Variants in LZTFL1 observed in about 807,000 individuals in gnomAD.
The protein encoded by LZTFL1 is leucine zipper transcription factor like 1, also known as leucine zipper transcription factor-like protein 1.
Under a neutral mutation model 45.9 loss-of-function variants are expected in LZTFL1, and 25 were observed. The ratio of observed to expected loss-of-function variants is 0.54; its 90% confidence interval spans 0.40 to 0.76. LZTFL1 has a LOEUF of 0.76. Among genes scored for constraint, LZTFL1 ranks in the 30% least tolerant of loss-of-function variants. The pLI is 0.00. For missense variants in LZTFL1, 277 were observed against 331.1 expected, an observed-to-expected ratio of 0.84 and a Z score of 1.27; for synonymous variants, 93 against 117.4, an observed-to-expected ratio of 0.79 and a Z score of 1.35.
At chr3:45,827,172 GC>G in intron 9 of LZTFL1, 183 bp downstream of exon 9, 1 of 568,582 alleles carries the variant, frequency 1.8e-6, no homozygotes, top group South Asian at 2.3e-5. Flanking sequence ...CTAAAAAGAA[GC>G]CCTGGTGGGC....
chr3:45,897,140 C>A (rs1306839605), intron 2 of LZTFL1, among the ~76,000 whole-genome samples: 2 of 152,172 alleles, frequency 1.3e-5, no homozygotes, highest in Non-Finnish European at 2.9e-5. Flanking sequence ...CCTGGCTGTG[C>A]ACTGAGGTTT....
chr3:45,862,639 A>G (rs1362694669), intron 2 of LZTFL1, among the ~76,000 whole-genome samples: 2 of 152,254 alleles, frequency 1.3e-5, no homozygotes, highest in African/African-American at 4.8e-5. Context: ...TGTGGGAAAG[A>G]AATCTTACTT....
At chr3:45,859,121 C>T (rs1251038810) in intron 2 of LZTFL1, 1 of 152,214 alleles carries the variant, frequency 6.6e-6, no homozygotes, top group Non-Finnish European at 1.5e-5. Context: ...TGATGATACA[C>T]AACATGTAAG....
At chr3:45,834,474 T>G (rs1414083159) in intron 3 of LZTFL1, 176 bp from the exon 4 acceptor site, 5 of 492,200 alleles carry the variant, frequency 1.0e-5, no homozygotes, top group Non-Finnish European at 3.7e-6. Context: ...CTAAACCACA[T>G]GGACTCAAAT....
chr3:45,898,009 A>G (rs1433010255), intron 2 of LZTFL1, among the ~76,000 whole-genome samples: 2 of 151,638 alleles, frequency 1.3e-5, no homozygotes, highest in East Asian at 3.9e-4. Flanking sequence ...AAAACACAAA[A>G]CACCAACCCA....
At chr3:45,882,797 C>CTATTATTAT (rs10575190) in intron 2 of LZTFL1, among the ~76,000 whole-genome samples, 68 of 145,456 alleles carry the variant, frequency 4.7e-4, no homozygotes, top group South Asian at 1.3e-3. Flanking sequence ...AAAGGGGATA[C>CTATTATTAT]TATTATTATT....
At chr3:45,836,149 A>G (rs1700961124) in intron 2 of LZTFL1, among the ~76,000 whole-genome samples, 1 of 152,158 alleles carries the variant, frequency 6.6e-6, no homozygotes, top group Non-Finnish European at 1.5e-5. Context: ...GCATAGTCTC[A>G]TTTCTTTCTA....
At chr3:45,875,454 C>T (rs1051876562) in intron 2 of LZTFL1, among the ~76,000 whole-genome samples, 3 of 151,376 alleles carry the variant, frequency 2.0e-5, no homozygotes, top group Non-Finnish European at 4.4e-5. Flanking sequence ...CTAGCACTTA[C>T]TAGCTATATG....
intron 1 of LZTFL1, among the ~76,000 whole-genome samples, chr3:45,915,201 C>T (rs761875784): frequency 8.5e-5 from 13 of 152,256 alleles, no homozygotes; most frequent in Non-Finnish European, 1.9e-4. Context: ...TCATTTCTCA[C>T]TGCCCCTTTC....
At chr3:45,845,395 A>G (rs977469292), upstream of LZTFL1, among the ~76,000 whole-genome samples, 1 of 152,136 alleles carries the variant, frequency 6.6e-6, no homozygotes, top group Non-Finnish European at 1.5e-5. Flanking sequence ...GAGGCTGGAG[A>G]GGAGAGATTC....
upstream of LZTFL1, among the ~76,000 whole-genome samples, chr3:45,847,017 A>G (rs150203464): frequency 3.9e-3 from 599 of 152,290 alleles, 2 homozygotes; most frequent in Middle Eastern, 0.027. Flanking sequence ...CAGATTGTCT[A>G]ATGTCAATGT....
At chr3:45,878,777 G>A (rs1701798190) in intron 2 of LZTFL1, among the ~76,000 whole-genome samples, 1 of 152,106 alleles carries the variant, frequency 6.6e-6, no homozygotes, top group Non-Finnish European at 1.5e-5. Flanking sequence ...ACAGGCAAAA[G>A]ACCTAAAGAG....
chr3:45,856,098 C>T (rs1701388907), intron 3 of LZTFL1, among the ~76,000 whole-genome samples: 1 of 151,496 alleles, frequency 6.6e-6, no homozygotes, highest in Non-Finnish European at 1.5e-5. Context: ...CCAAGACAAT[C>T]CTAGGCAAAA....
rs1204025847 is a variant in LZTFL1, at chr3:45,841,991, T to TGGCGGCAGGCAGC, written c.-13_-1dup. 2.5e-6 allele frequency: 4 copies of TGGCGGCAGGCAGC among 1,611,288 alleles called. No individual in the cohort carries two copies. The South Asian group carries it at 4.4e-5, about 18-fold the overall frequency. On this transcript the variant is annotated 5_prime_UTR_variant, in exon 1 of 10. Transcript: ENST00000296135. ...GCGCCTGAGGGTCGGTTACTCACCA[T>TGGCGGCAGGCAGC]GGCGGCAGGCAGCGGCGGCAGCCTA... is the stretch of plus-strand genomic sequence containing the variant.
chr3:45,828,918 T>C (rs1057273921), intron 7 of LZTFL1, among the ~76,000 whole-genome samples: 3 of 152,132 alleles, frequency 2.0e-5, no homozygotes, highest in African/African-American at 7.2e-5. Context: ...TGTACCAGGG[T>C]TGAGATGGCA....
chr3:45,826,750 T>C (rs1034427325), intron 9 of LZTFL1, among the ~76,000 whole-genome samples: 3 of 152,320 alleles, frequency 2.0e-5, no homozygotes, highest in East Asian at 3.9e-4. Flanking sequence ...AGGCAAAACA[T>C]CTGATGACCA....
chr3:45,866,945 C>A (rs190773555), intron 2 of LZTFL1, among the ~76,000 whole-genome samples: 2 of 151,908 alleles, frequency 1.3e-5, no homozygotes, highest in African/African-American at 4.8e-5. Flanking sequence ...GTCAGGAGTT[C>A]GAGACCAGCC....
intron 2 of LZTFL1, among the ~76,000 whole-genome samples, chr3:45,859,875 G>A (rs934841294): frequency 1.3e-5 from 2 of 151,996 alleles, no homozygotes; most frequent in East Asian, 1.9e-4. Context: ...GACCTCAAGT[G>A]ATCTGCCCGT....
chr3:45,829,876 A>C (rs1700771138), intron 7 of LZTFL1, among the ~76,000 whole-genome samples: 1 of 152,228 alleles, frequency 6.6e-6, no homozygotes. Context: ...GTTTTTATAA[A>C]TCTATTGTCA....
Sources: gnomAD v4.1 joint callset for allele counts (sites outside exome capture counted in the v4.1 genomes callset) on GRCh38, gnomAD v4.1.1 for gene constraint, MANE v1.5 for transcripts, NCBI Gene and HGNC (gene_info 2026-07-23, HGNC 2026-07-21) for gene names.